IGF2R: variants seen among roughly 807,000 people sequenced by gnomAD.
The protein encoded by IGF2R is cation-independent mannose-6-phosphate receptor.
IGF2R carries 91 observed loss-of-function variants against 270.6 expected under a neutral mutation model. That is an observed-to-expected ratio of 0.34 (90% confidence interval 0.28 to 0.40). IGF2R has a LOEUF of 0.40. IGF2R is among the 10% of genes least tolerant of loss of function. The probability of loss-of-function intolerance (pLI) is 1.00; values close to 1 mark genes in which losing one functional copy is unlikely to be tolerated. For missense variants in IGF2R, 2,805 were observed against 3,188.3 expected, an observed-to-expected ratio of 0.88 and a Z score of 2.90; for synonymous variants, 1,316 against 1,258.9, an observed-to-expected ratio of 1.05 and a Z score of -0.96.
chr6:160,103,765 C>G lies in IGF2R; in HGVS notation c.7015C>G (p.Leu2339Val), dbSNP rs1442416280. The change falls in exon 47 of 48, where the codon CTG becomes GTG. Residue 2339 changes from leucine to valine, a missense_variant. Physicochemically the swap from Leu to Val is conservative, Grantham distance 32. This residue lies in a region of IGF2R where 1,851 missense variants were observed against 2,207.2 expected (regional missense o/e 0.84). Coordinates refer to ENST00000356956, the MANE Select transcript of IGF2R (RefSeq NM_000876.4). ...TTATAGGGAAACAGTGATAAGTAAGCTGACCACTTGCTGTAGGAGAAGTTC... is the reference window on the plus strand; with the variant it reads ...TTATAGGGAAACAGTGATAAGTAAGGTGACCACTTGCTGTAGGAGAAGTTC... ...KERRETVISK[L>V]TTCCRRSSNV... 6 of 1,610,182 alleles carry G rather than the reference C, an allele frequency of 3.7e-6. No homozygotes were observed. Among genetic ancestry groups the G allele is most frequent in the Non-Finnish European group, 5.1e-6 (6 of 1,176,560 alleles).
In IGF2R at chr6:160,059,240, G is replaced by A. The variant is rs564149783; in HGVS notation, c.3091+142G>A. ...TCCACCTTGCTGCAGGAGCCATCAC[G>A]GTGGTCTTCCTGCGTTTGACCTCGC... On this transcript the variant is annotated intron_variant, in intron 22 of 47. Coordinates refer to ENST00000356956, the MANE Select transcript of IGF2R (RefSeq NM_000876.4). 71 of 657,346 alleles carry A rather than the reference G, an allele frequency of 1.1e-4. No homozygotes were observed. In the Middle Eastern group the frequency reaches 1.3e-3, roughly 12 times the overall value. 40.7% of individuals were successfully genotyped at this position (657,346 alleles called of 1,614,324 possible).
At position 160,103,800 on chromosome 6, in the gene IGF2R, C is replaced by G; in HGVS notation, c.7050C>G (p.Ser2350=). ...GCTGTAGGAGAAGTTCCAACGTGTC[C>G]TACAAATACTCAAAGGTAATTTTCT... ...TTCCRRSSNV[S]YKYSKVNKEE... is the part of the protein sequence containing the mutation. The change falls in exon 47 of 48, where the codon TCC becomes TCG. Residue 2350 remains serine (S), a synonymous_variant. Coordinates refer to ENST00000356956, the MANE Select transcript of IGF2R (RefSeq NM_000876.4). 6.2e-7 allele frequency: 1 copy of G among 1,609,414 alleles called. No individual in the cohort carries two copies. The highest frequency in any genetic ancestry group is 8.5e-7 in the Non-Finnish European group (1 of 1,175,796).
At chr6:159,972,889 GT>G (rs34474276) in intron 1 of IGF2R, among the ~76,000 whole-genome samples, 11,612 of 152,162 alleles carry the variant, frequency 0.076, 494 homozygotes, top group South Asian at 0.099. Context: ...TAAGTGCATG[GT>G]TTTTTTTGGA....
intron 1 of IGF2R, among the ~76,000 whole-genome samples, chr6:159,980,165 A>C: frequency 7.0e-6 from 1 of 142,632 alleles, no homozygotes. Flanking sequence ...TGGGCAACAC[A>C]GTGAGACTCC....
At chr6:160,024,454 C>T (rs1777508899) in intron 4 of IGF2R, 118 bp from the exon 5 acceptor site, 1 of 959,126 alleles carries the variant, frequency 1.0e-6, no homozygotes, top group South Asian at 1.6e-5. Context: ...TATTAGGGGA[C>T]ACCATAGCAT....
intron 19 of IGF2R, among the ~76,000 whole-genome samples, chr6:160,051,806 A>G (rs938352126): frequency 6.6e-6 from 1 of 152,132 alleles, no homozygotes; most frequent in African/African-American, 2.4e-5. Flanking sequence ...AAAATTTAAA[A>G]AAAAATTTAG....
chr6:160,096,670 C>A, intron 45 of IGF2R, 45 bp downstream of exon 45: 2 of 1,463,120 alleles, frequency 1.4e-6, no homozygotes, highest in South Asian at 2.5e-5. Context: ...CCCACATCTT[C>A]CCTTAAGAAT....
At chr6:159,987,040 A>G (rs1783898879) in intron 1 of IGF2R, among the ~76,000 whole-genome samples, 1 of 152,178 alleles carries the variant, frequency 6.6e-6, no homozygotes, top group Non-Finnish European at 1.5e-5. Context: ...TTCTAGTTCT[A>G]TAATGTGATC....
intron 2 of IGF2R, among the ~76,000 whole-genome samples, chr6:159,993,985 A>ATGTTTT (rs1784015489): frequency 1.6e-5 from 1 of 61,030 alleles, no homozygotes; most frequent in Non-Finnish European, 3.1e-5. Context: ...CTCCAACTTG[A>ATGTTTT]TTTTTTTTTT....
intron 1 of IGF2R, among the ~76,000 whole-genome samples, chr6:159,986,485 C>T (rs1461358635): frequency 6.7e-6 from 1 of 148,948 alleles, no homozygotes; most frequent in East Asian, 2.0e-4. Flanking sequence ...CCAGGCTGGT[C>T]TCGAACTCCT....
chr6:160,071,210 A>G (rs1172543660), intron 31 of IGF2R, among the ~76,000 whole-genome samples: 10 of 113,816 alleles, frequency 8.8e-5, no homozygotes, highest in East Asian at 4.6e-4. Context: ...CCCCAGACCC[A>G]GGAGGCTGGG....
At chr6:160,008,127 C>T (rs938155513) in intron 2 of IGF2R, among the ~76,000 whole-genome samples, 1 of 152,154 alleles carries the variant, frequency 6.6e-6, no homozygotes, top group Non-Finnish European at 1.5e-5. Flanking sequence ...TTGTGTTGGG[C>T]TGCATTCAAA....
chr6:159,988,981 A>G (rs1373229448), intron 1 of IGF2R, among the ~76,000 whole-genome samples: 1 of 152,134 alleles, frequency 6.6e-6, no homozygotes, highest in East Asian at 1.9e-4. Flanking sequence ...TTATTTTCTC[A>G]TGTCCTTGAG....
chr6:160,058,407 G>T (rs556387999), intron 21 of IGF2R, among the ~76,000 whole-genome samples: 13 of 152,268 alleles, frequency 8.5e-5, no homozygotes, highest in African/African-American at 2.9e-4. Flanking sequence ...TGTACTCATT[G>T]TCCATTGGTC....
At chr6:160,035,888 G>T (rs184905808) in intron 10 of IGF2R, among the ~76,000 whole-genome samples, 143 of 152,262 alleles carry the variant, frequency 9.4e-4, no homozygotes, top group Non-Finnish European at 2.5e-4. Flanking sequence ...CTGGGTGCAG[G>T]GGTCAGGCAG....
In IGF2R at chr6:160,096,458, G is replaced by A; in HGVS notation, c.6675G>A (p.Val2225=). Residue 2225 remains valine (V), a synonymous_variant, in exon 45 of 48, where the codon GTG becomes GTA. Coordinates refer to ENST00000356956, the MANE Select transcript of IGF2R (RefSeq NM_000876.4). ...TGACAGACGGCGATCTCGATGTCGTGTTTGCCTCTTCCTCTAAGTGCGGAA... is the reference window on the plus strand; with the variant it reads ...TGACAGACGGCGATCTCGATGTCGTATTTGCCTCTTCCTCTAAGTGCGGAA... ...YYLQDGDLDV[V]FASSSKCGKD... 6.2e-7 allele frequency: 1 copy of A among 1,612,026 alleles called. No homozygotes were observed. The highest frequency in any genetic ancestry group is 8.5e-7 in the Non-Finnish European group (1 of 1,178,882).
intron 1 of IGF2R, among the ~76,000 whole-genome samples, chr6:159,983,800 T>C (rs635551): frequency 0.1 from 15,881 of 152,140 alleles, 1,022 homozygotes; most frequent in Non-Finnish European, 0.15. Flanking sequence ...ACCTTGTTTG[T>C]AGAGTTCACA....
chr6:159,987,547 A>G (rs1783906923), intron 1 of IGF2R, among the ~76,000 whole-genome samples: 2 of 152,056 alleles, frequency 1.3e-5, no homozygotes, highest in South Asian at 4.2e-4. Context: ...GTGCACCACC[A>G]CGCCCGGCTA....
At chr6:160,011,494 A>G (rs1435057400) in intron 4 of IGF2R, among the ~76,000 whole-genome samples, 9 of 151,302 alleles carry the variant, frequency 5.9e-5, no homozygotes, top group African/African-American at 1.9e-4. Context: ...TGAAATATGT[A>G]TACATTGAGG....
Sources: allele counts gnomAD v4.1 joint callset (sites outside exome capture counted in the v4.1 genomes callset), GRCh38; gene constraint gnomAD v4.1.1; regional missense constraint gnomAD v4.1.1; transcripts MANE v1.5; gene names NCBI Gene and HGNC (gene_info 2026-07-23, HGNC 2026-07-21).